GPC6: variants seen among roughly 807,000 people sequenced by gnomAD.
GPC6 encodes glypican 6.
Under a neutral mutation model 55.2 loss-of-function variants are expected in GPC6, and 14 were observed. The observed-to-expected ratio is 0.25, with a 90% CI of 0.17 to 0.40. The LOEUF (loss-of-function observed/expected upper bound fraction) is 0.40, where lower values mean the gene tolerates loss of function less well. Ranked by LOEUF, GPC6 falls within the 10% of genes least tolerant of loss-of-function variation. The probability of loss-of-function intolerance (pLI) is 1.00; values close to 1 mark genes in which losing one functional copy is unlikely to be tolerated. For missense variants in GPC6, 641 were observed against 708.5 expected (o/e 0.90, Z 1.08); for synonymous variants, 278 against 259.6 (o/e 1.07, Z -0.68).
At chr13:93,798,353 G>A (rs1261192147) in intron 2 of GPC6, among the ~76,000 whole-genome samples, 1 of 152,148 alleles carries the variant, frequency 6.6e-6, no homozygotes, top group African/African-American at 2.4e-5. Context: ...TTGATGGGAA[G>A]TTTCAGCCAA....
chr13:93,357,217 A>G (rs1451057112), intron 1 of GPC6, among the ~76,000 whole-genome samples: 2 of 152,156 alleles, frequency 1.3e-5, no homozygotes, highest in African/African-American at 4.8e-5. Context: ...AGTTGCTCTT[A>G]GGTGGTTTTT....
chr13:93,541,004 G>C (rs1230735079), intron 1 of GPC6, among the ~76,000 whole-genome samples: 1 of 151,764 alleles, frequency 6.6e-6, no homozygotes, highest in East Asian at 1.9e-4. Context: ...CCATGTTGCA[G>C]TGAATGATGG....
intron 4 of GPC6, among the ~76,000 whole-genome samples, chr13:94,274,485 C>A (rs1356884651): frequency 6.6e-6 from 1 of 152,058 alleles, no homozygotes; most frequent in African/African-American, 2.4e-5. Flanking sequence ...CTATTGTTTA[C>A]CTCATTCTGG....
At chr13:93,481,280 G>T (rs1879513131) in intron 1 of GPC6, among the ~76,000 whole-genome samples, 1 of 152,070 alleles carries the variant, frequency 6.6e-6, no homozygotes, top group South Asian at 2.1e-4. Context: ...TTTAAATGAG[G>T]TGATTCATCT....
At chr13:94,372,004 T>A (rs1879566475) in intron 6 of GPC6, among the ~76,000 whole-genome samples, 1 of 152,176 alleles carries the variant, frequency 6.6e-6, no homozygotes, top group Non-Finnish European at 1.5e-5. Flanking sequence ...GCTGGGTCCC[T>A]ACCTCCAAAT....
chr13:93,869,410 G>T (rs1013174086), intron 3 of GPC6, among the ~76,000 whole-genome samples: 1 of 151,790 alleles, frequency 6.6e-6, no homozygotes, highest in Non-Finnish European at 1.5e-5. Flanking sequence ...ACCCCATGAG[G>T]CTGTCATAGC....
intron 4 of GPC6, among the ~76,000 whole-genome samples, chr13:94,209,648 GA>G (rs143360265): frequency 0.034 from 5,095 of 151,888 alleles, 313 homozygotes; most frequent in African/African-American, 0.12. Flanking sequence ...GACAATACCA[GA>G]AAAATGAACT....
At chr13:93,933,736 T>A (rs544887773) in intron 3 of GPC6, among the ~76,000 whole-genome samples, 1 of 152,322 alleles carries the variant, frequency 6.6e-6, no homozygotes, top group African/African-American at 2.4e-5. Flanking sequence ...CCTTTCCAAA[T>A]GCCTTTCAAA....
At chr13:94,091,163 T>G (rs1885467833) in intron 4 of GPC6, among the ~76,000 whole-genome samples, 1 of 152,166 alleles carries the variant, frequency 6.6e-6, no homozygotes, top group Admixed American at 6.6e-5. Flanking sequence ...AAGATAATAT[T>G]TTTGGTTTCA....
At chr13:93,454,767 A>C (rs1183418848) in intron 1 of GPC6, among the ~76,000 whole-genome samples, 1 of 152,244 alleles carries the variant, frequency 6.6e-6, no homozygotes, top group Non-Finnish European at 1.5e-5. Flanking sequence ...GCTGCCTGCC[A>C]GTCCCGCGCC....
chr13:94,068,548 C>A lies in GPC6; in HGVS notation c.877+40654C>A, dbSNP rs141111253. On this transcript the variant is annotated intron_variant, in intron 4 of 8. Coordinates refer to ENST00000377047, the MANE Select transcript of GPC6 (RefSeq NM_005708.5). ...CAGCATTAATTCAAAAGTCCACAGT[C>A]CAAAGTCTCTTTTGAGACAAGGCAA... 1.4e-3 allele frequency among the ~76,000 whole-genome samples: 215 copies of A among 152,286 alleles called. 1 individual carries two copies. The Middle Eastern group carries it at 0.017, about 12-fold the overall frequency.
At chr13:94,288,097 A>G (rs2139086830) in intron 5 of GPC6, among the ~76,000 whole-genome samples, 1 of 152,152 alleles carries the variant, frequency 6.6e-6, no homozygotes, top group Non-Finnish European at 1.5e-5. Flanking sequence ...ATAAGGCACC[A>G]TTCCAGCCCT....
At chr13:94,320,711 T>G (rs1007800801) in intron 6 of GPC6, among the ~76,000 whole-genome samples, 1 of 152,212 alleles carries the variant, frequency 6.6e-6, no homozygotes, top group Non-Finnish European at 1.5e-5. Context: ...AAATCCATTC[T>G]TAGTACTCTT....
At chr13:94,173,125 CTT>C (rs1888629299) in intron 4 of GPC6, among the ~76,000 whole-genome samples, 2 of 152,160 alleles carry the variant, frequency 1.3e-5, no homozygotes, top group Admixed American at 1.3e-4. Flanking sequence ...AACTGGAAGA[CTT>C]TGTTTAGTTT....
intron 6 of GPC6, among the ~76,000 whole-genome samples, chr13:94,356,633 A>C (rs1438580862): frequency 1.3e-5 from 2 of 152,170 alleles, no homozygotes; most frequent in Non-Finnish European, 2.9e-5. Context: ...AAGAGCCATC[A>C]CTCCTGGTGA....
At chr13:94,313,989 A>G (rs764422744) in intron 6 of GPC6, among the ~76,000 whole-genome samples, 6 of 152,234 alleles carry the variant, frequency 3.9e-5, no homozygotes, top group South Asian at 2.1e-4. Flanking sequence ...GTAGATATCA[A>G]TCTATCAATA....
rs12585518 is a variant in GPC6 at position 94,008,032 on chromosome 13, A to T, written c.712-19697A>T. Among the ~76,000 whole-genome samples the T allele has an allele frequency of 6.7e-3, 1,015 of 152,046 alleles. 32 individuals carry two copies. Among genetic ancestry groups the T allele is most frequent in the Admixed American group, 0.05 (758 of 15,262 alleles). On this transcript the variant is annotated intron_variant, in intron 3 of 8. Coordinates refer to ENST00000377047, the MANE Select transcript of GPC6 (RefSeq NM_005708.5). ...CAATATTCATTCCAAAATATCATAA[A>T]TTTTTTTTCTAGTTCTGGTAAATTA...
At position 94,351,962 on chromosome 13, in the gene GPC6, C is replaced by CAA. The variant is rs60206836; in HGVS notation, c.1153-30433_1153-30432dup. Among the ~76,000 whole-genome samples, 303 of 101,482 alleles carry CAA rather than the reference C, an allele frequency of 3.0e-3. 1 individual carries two copies. The highest frequency in any genetic ancestry group is 8.5e-3 in the African/African-American group (200 of 23,500). The allele number at this position is 101,482 out of a possible 152,430, so 66.6% of individuals were successfully genotyped here. ...GGCAAGGAGAGGAGAGAGAAGAAGG[C>CAA]AAAAAAAAAAAAAAAAAAAAGAAAA... On this transcript the variant is annotated intron_variant, in intron 6 of 8. Transcript: ENST00000377047.
intron 2 of GPC6, among the ~76,000 whole-genome samples, chr13:93,595,491 G>C (rs377006573): frequency 5.6e-4 from 85 of 152,182 alleles, no homozygotes; most frequent in African/African-American, 1.8e-3. Flanking sequence ...CTGTTATTTG[G>C]TATACTATAT....
Sources: allele counts gnomAD v4.1 joint callset (sites outside exome capture counted in the v4.1 genomes callset), GRCh38; gene constraint gnomAD v4.1.1; transcripts MANE v1.5; gene names NCBI Gene and HGNC (gene_info 2026-07-23, HGNC 2026-07-21).